Variants in PLCB1 observed in about 807,000 individuals in gnomAD.
PLCB1 encodes 1-phosphatidylinositol 4,5-bisphosphate phosphodiesterase beta-1.
In PLCB1, 46 loss-of-function variants were observed where a neutral mutation model predicts 161.8. The observed-to-expected ratio is 0.28, with a 90% confidence interval of 0.22 to 0.36. The LOEUF (loss-of-function observed/expected upper bound fraction) is 0.36. Ranked by LOEUF, PLCB1 falls within the 10% of genes least tolerant of loss-of-function variation. PLCB1 has a pLI of 1.00. For missense variants in PLCB1, 1,016 were observed against 1,472.5 expected (o/e 0.69, Z 5.07); for synonymous variants, 517 against 503.7 (o/e 1.03, Z -0.35).
chr20:8,290,193 TAAAAG>T (rs1334871322), intron 2 of PLCB1, among the ~76,000 whole-genome samples: 2 of 152,102 alleles, frequency 1.3e-5, no homozygotes, highest in Non-Finnish European at 2.9e-5. Context: ...GGTCCAGACA[TAAAAG>T]AGAAAAATTG....
chr20:8,646,526 T>A (rs1011235208), intron 5 of PLCB1, among the ~76,000 whole-genome samples: 10 of 152,350 alleles, frequency 6.6e-5, no homozygotes, highest in African/African-American at 2.4e-4. Flanking sequence ...TACATCTGTG[T>A]GTGTCCTCTC....
chr20:8,472,004 C>A (rs1982073992), intron 3 of PLCB1, among the ~76,000 whole-genome samples: 1 of 152,042 alleles, frequency 6.6e-6, no homozygotes, highest in Non-Finnish European at 1.5e-5. Context: ...AAAAAATAGT[C>A]TTTGGCAGTT....
Position 8,657,270 on chromosome 20 carries a change from C to A in PLCB1, c.681C>A (p.Asn227Lys). 1 of 1,588,170 alleles carries A rather than the reference C, an allele frequency of 6.3e-7. No homozygotes were observed. Among genetic ancestry groups the A allele is most frequent in the Non-Finnish European group, 8.6e-7 (1 of 1,156,610 alleles). Residue 227 changes from asparagine (N) to lysine (K), a missense_variant, in exon 8 of 32, where the codon AAC becomes AAA. Physicochemically the swap from Asn to Lys is moderately conservative, Grantham distance 94 (BLOSUM62 0). Around this residue, in one of 10 missense-constraint regions of PLCB1, gnomAD observed 117 missense variants for 142.2 expected, o/e 0.82. Transcript: ENST00000338037. ...NNLCPRPEID[N>K]IFSEFGAKSK... ...TTTGCCCTCGACCTGAAATTGATAA[C>A]ATCTTTTCAGAATTGTAAGAGTACA...
rs139845135 is a variant in PLCB1 at position 8,866,342 on chromosome 20, G to A, written c.3424-15280G>A. 7.2e-5 allele frequency among the ~76,000 whole-genome samples: 11 copies of A among 152,282 alleles called. No homozygotes were observed. In the East Asian group the frequency reaches 2.1e-3, roughly 29 times the overall value. On this transcript the variant is annotated intron_variant, in intron 31 of 31. Coordinates refer to ENST00000338037, the MANE Select transcript of PLCB1 (RefSeq NM_015192.4). ...AAGACTTTAGACACCAGCGCAATGTGGTTAAGTCTCCACTAGTGCAACAAA... is the reference window on the plus strand; with the variant it reads ...AAGACTTTAGACACCAGCGCAATGTAGTTAAGTCTCCACTAGTGCAACAAA...
intron 14 of PLCB1, among the ~76,000 whole-genome samples, chr20:8,721,541 A>G (rs1290210721): frequency 6.6e-6 from 1 of 152,202 alleles, no homozygotes; most frequent in African/African-American, 2.4e-5. Flanking sequence ...GGGAAAAACA[A>G]TTCATTTAAA....
At chr20:8,742,644 C>T (rs1363849088) in intron 23 of PLCB1, among the ~76,000 whole-genome samples, 1 of 152,118 alleles carries the variant, frequency 6.6e-6, no homozygotes, top group East Asian at 1.9e-4. Context: ...ATAATATTCA[C>T]AGTCTGTGTT....
chr20:8,263,647 G>A lies in PLCB1; in HGVS notation c.178-107735G>A, dbSNP rs185092138. ...ATATGGCATAGCTTATTGCTCCTAG[G>A]TACAAACTTGTACAGCATATTACTG... On this transcript the variant is annotated intron_variant, in intron 2 of 31. Transcript: ENST00000338037. Among the ~76,000 whole-genome samples the A allele has an allele frequency of 1.7e-3, 254 of 152,200 alleles. 1 individual carries two copies. The highest frequency in any genetic ancestry group is 5.9e-3 in the African/African-American group (246 of 41,522).
At chr20:8,708,569 C>G in intron 11 of PLCB1, 101 bp from the exon 12 acceptor site, 1 of 722,804 alleles carries the variant, frequency 1.4e-6, no homozygotes, top group East Asian at 2.7e-5. Context: ...ATACAATTCT[C>G]TGAATGGAAA....
intron 2 of PLCB1, chr20:8,249,337 C>T (rs913767610): frequency 6.6e-6 from 1 of 151,810 alleles, no homozygotes; most frequent in Non-Finnish European, 1.5e-5. Context: ...TTTGGGGTCT[C>T]TTGAGAGATT....
chr20:8,552,067 C>A (rs980185535), intron 3 of PLCB1, among the ~76,000 whole-genome samples: 3 of 152,094 alleles, frequency 2.0e-5, no homozygotes, highest in Non-Finnish European at 4.4e-5. Flanking sequence ...ATAGCTACTT[C>A]TCCCAACTCT....
chr20:8,411,002 T>C (rs1276921423), intron 3 of PLCB1, among the ~76,000 whole-genome samples: 1 of 152,178 alleles, frequency 6.6e-6, no homozygotes, highest in East Asian at 1.9e-4. Flanking sequence ...ACACTTTAAT[T>C]GTGGACTTTT....
intron 2 of PLCB1, among the ~76,000 whole-genome samples, chr20:8,243,457 CCCTGCCAGTT>C (rs1412418889): frequency 6.6e-6 from 1 of 151,912 alleles, no homozygotes; most frequent in Non-Finnish European, 1.5e-5. Context: ...CTTTTTGAGA[CCCTGCCAGTT>C]CCTGGTGGAA....
chr20:8,755,480 G>C (rs1162928604), intron 23 of PLCB1, among the ~76,000 whole-genome samples: 2 of 152,146 alleles, frequency 1.3e-5, no homozygotes, highest in African/African-American at 4.8e-5. Flanking sequence ...TTCTGATAAA[G>C]AGTTACAGAG....
At chr20:8,733,966 C>CAA (rs35865041) in intron 19 of PLCB1, among the ~76,000 whole-genome samples, 130 of 143,558 alleles carry the variant, frequency 9.1e-4, no homozygotes, top group East Asian at 1.8e-3. Context: ...CTAAAAAATA[C>CAA]AAAAAAAAAC....
At chr20:8,846,108 T>C (rs1986681648) in intron 31 of PLCB1, among the ~76,000 whole-genome samples, 1 of 152,184 alleles carries the variant, frequency 6.6e-6, no homozygotes, top group South Asian at 2.1e-4. Flanking sequence ...CTGCAGCCTG[T>C]ACAAGTAGCA....
rs554665833 is a variant in PLCB1, at chr20:8,781,770, C to T, written c.3112-6679C>T. Among the ~76,000 whole-genome samples the T allele has an allele frequency of 1.1e-4, 16 of 152,172 alleles. No homozygotes were observed. The South Asian group carries it at 1.2e-3, about 12-fold the overall frequency. The stretch of plus-strand genomic sequence containing the variant: ...AGCAAGTCACGTCTGACGTGGATGG[C>T]GGCAGGCAAAGAGAACTTGTGCAGG... On this transcript the variant is annotated intron_variant, in intron 27 of 31. Transcript: ENST00000338037.
At chr20:8,304,667 C>T (rs747391800) in intron 2 of PLCB1, among the ~76,000 whole-genome samples, 13 of 150,616 alleles carry the variant, frequency 8.6e-5, no homozygotes, top group Non-Finnish European at 1.8e-4. Context: ...TGTCCACTTG[C>T]TCTTATGTAA....
At chr20:8,755,493 T>C (rs1414769378) in intron 23 of PLCB1, among the ~76,000 whole-genome samples, 3 of 152,178 alleles carry the variant, frequency 2.0e-5, no homozygotes, top group Non-Finnish European at 4.4e-5. Context: ...TTACAGAGAA[T>C]TTAGCATATT....
At chr20:8,324,010 G>A (rs1985031654) in intron 2 of PLCB1, among the ~76,000 whole-genome samples, 1 of 152,138 alleles carries the variant, frequency 6.6e-6, no homozygotes, top group African/African-American at 2.4e-5. Context: ...TTAGAAGTAT[G>A]ATGTTGATTT....
Sources: allele counts gnomAD v4.1 joint callset (sites outside exome capture counted in the v4.1 genomes callset), GRCh38; gene constraint gnomAD v4.1.1; regional missense constraint gnomAD v4.1.1; transcripts MANE v1.5; gene names NCBI Gene and HGNC (gene_info 2026-07-23, HGNC 2026-07-21).